PTPN12: variants seen among roughly 807,000 people sequenced by gnomAD.
PTPN12 encodes tyrosine-protein phosphatase non-receptor type 12.
Under a neutral mutation model 97.6 loss-of-function variants are expected in PTPN12, and 29 were observed. The observed-to-expected ratio is 0.30, with a 90% CI of 0.22 to 0.41. The LOEUF is 0.41. Ranked by LOEUF, PTPN12 falls within the 10% of genes least tolerant of loss-of-function variation. The pLI, the probability that PTPN12 is intolerant of heterozygous loss-of-function variation, is 1.00. For missense variants in PTPN12, 819 were observed against 926.0 expected, an observed-to-expected ratio of 0.88 and a Z score of 1.50; for synonymous variants, 327 against 300.4, an observed-to-expected ratio of 1.09 and a Z score of -0.91.
At chr7:77,634,729 C>A (rs892020494) in intron 14 of PTPN12, among the ~76,000 whole-genome samples, 11 of 152,002 alleles carry the variant, frequency 7.2e-5, no homozygotes, top group African/African-American at 2.7e-4. Context: ...GCATGAGCCA[C>A]CACGCCCGGC....
At chr7:77,539,597 T>G (rs560335262) in intron 1 of PTPN12, among the ~76,000 whole-genome samples, 5 of 152,190 alleles carry the variant, frequency 3.3e-5, no homozygotes, top group South Asian at 4.1e-4. Context: ...CTAGTTTTTT[T>G]GGGTTTTGTT....
At chr7:77,567,261 A>T (rs1331752260) in intron 1 of PTPN12, among the ~76,000 whole-genome samples, 1 of 151,844 alleles carries the variant, frequency 6.6e-6, no homozygotes, top group African/African-American at 2.4e-5. Context: ...TTGTACCCAC[A>T]GAGTTTATTG....
At chr7:77,557,314 C>T (rs1181427247) in intron 1 of PTPN12, among the ~76,000 whole-genome samples, 1 of 152,118 alleles carries the variant, frequency 6.6e-6, no homozygotes, top group Non-Finnish European at 1.5e-5. Flanking sequence ...GAGCCTCTAG[C>T]AGTTCATCAA....
At position 77,627,501 on chromosome 7, in the gene PTPN12, T is replaced by A. The variant is rs1345540460; in HGVS notation, c.1822T>A (p.Ser608Thr). 1.9e-6 allele frequency: 3 copies of A among 1,613,876 alleles called. No individual in the cohort carries two copies. Among genetic ancestry groups the A allele is most frequent in the Non-Finnish European group, 2.5e-6 (3 of 1,179,916 alleles). The change falls in exon 13 of 18, where the codon TCA (serine) becomes ACA (threonine). Residue 608 changes from serine (S) to threonine (T), a missense_variant. Coordinates refer to ENST00000248594, the MANE Select transcript of PTPN12 (RefSeq NM_002835.4). ...TCCACTTCACTCTGATGACTCAGACTCAGATGAAAGAAACTCTGATGGTGC... is the reference window on the plus strand; with the variant it reads ...TCCACTTCACTCTGATGACTCAGACACAGATGAAAGAAACTCTGATGGTGC... Reference protein sequence around the residue: ...TNPLHSDDSDSDERNSDGAVT... With the variant: ...TNPLHSDDSDTDERNSDGAVT...
At chr7:77,597,051 A>C (rs1239504432) in intron 6 of PTPN12, among the ~76,000 whole-genome samples, 1 of 151,700 alleles carries the variant, frequency 6.6e-6, no homozygotes, top group Non-Finnish European at 1.5e-5. Flanking sequence ...CCCCTTCCCA[A>C]CCCTAGGTAG....
chr7:77,547,561 G>C (rs1012329845), intron 1 of PTPN12, among the ~76,000 whole-genome samples: 2 of 152,058 alleles, frequency 1.3e-5, no homozygotes, highest in African/African-American at 2.4e-5. Flanking sequence ...AGAGAAGTTG[G>C]GGCTCTAATA....
intron 2 of PTPN12, among the ~76,000 whole-genome samples, chr7:77,580,056 G>T (rs1787464599): frequency 6.6e-6 from 1 of 152,162 alleles, no homozygotes; most frequent in African/African-American, 2.4e-5. Flanking sequence ...ATATACATTA[G>T]TGTTCATTGT....
intron 6 of PTPN12, 99 bp downstream of exon 6, chr7:77,592,355 G>A (rs1046832911): frequency 7.0e-6 from 7 of 1,002,238 alleles, no homozygotes; most frequent in Non-Finnish European, 8.7e-6. Context: ...GCTTATAGAC[G>A]CCAAGGACTC....
intron 11 of PTPN12, among the ~76,000 whole-genome samples, chr7:77,612,319 T>C (rs1405108509): frequency 1.3e-5 from 2 of 152,254 alleles, no homozygotes; most frequent in East Asian, 1.9e-4. Flanking sequence ...TTTATTAACA[T>C]AGGAATTATT....
At chr7:77,633,303 A>C (rs1382765633) in intron 14 of PTPN12, among the ~76,000 whole-genome samples, 1 of 151,974 alleles carries the variant, frequency 6.6e-6, no homozygotes, top group African/African-American at 2.4e-5. Context: ...TGTATTTGCA[A>C]TCTGGTGTAT....
intron 1 of PTPN12, among the ~76,000 whole-genome samples, chr7:77,552,590 G>T (rs534220618): frequency 6.6e-6 from 1 of 152,242 alleles, no homozygotes; most frequent in East Asian, 1.9e-4. Flanking sequence ...ATAAAAGAGG[G>T]AAAGGTAATC....
intron 11 of PTPN12, among the ~76,000 whole-genome samples, chr7:77,616,656 T>C (rs1035607844): frequency 4.6e-5 from 7 of 152,240 alleles, no homozygotes; most frequent in African/African-American, 1.7e-4. Flanking sequence ...GAGTTTCATA[T>C]GGTTTGCCTT....
At chr7:77,618,449 A>T in intron 11 of PTPN12, 31 bp from the exon 12 acceptor site, 2 of 1,387,006 alleles carry the variant, frequency 1.4e-6, no homozygotes, top group Non-Finnish European at 2.0e-6. Context: ...TTTTTCTCTT[A>T]ACCTTAGTGA....
Position 77,600,656 on chromosome 7 carries a change from T to C in PTPN12, c.553-8T>C, listed in dbSNP as rs1186921194. 1.3e-6 allele frequency: 2 copies of C among 1,577,510 alleles called. No individual in the cohort carries two copies. Among genetic ancestry groups the C allele is most frequent in the Non-Finnish European group, 1.7e-6 (2 of 1,165,922 alleles). On this transcript the variant is annotated splice_region_variant and splice_polypyrimidine_tract_variant and intron_variant, in intron 7 of 17. Coordinates refer to ENST00000248594, the MANE Select transcript of PTPN12 (RefSeq NM_002835.4). Reference sequence around the variant, plus strand: ...TTCATAATTGTTGACTTTCTGTTTTTCTTGAAGGAATCTCGTAGGCTGTAT... The same window carrying C: ...TTCATAATTGTTGACTTTCTGTTTTCCTTGAAGGAATCTCGTAGGCTGTAT...
At chr7:77,582,859 A>C (rs1018736564) in intron 3 of PTPN12, among the ~76,000 whole-genome samples, 2 of 152,192 alleles carry the variant, frequency 1.3e-5, no homozygotes, top group Non-Finnish European at 2.9e-5. Context: ...TTAAATAAAA[A>C]TTTCTTTTTT....
At chr7:77,566,754 A>C (rs1418308909) in intron 1 of PTPN12, among the ~76,000 whole-genome samples, 1 of 152,128 alleles carries the variant, frequency 6.6e-6, no homozygotes, top group African/African-American at 2.4e-5. Context: ...ACTTAATTGC[A>C]AATGCTTTCT....
chr7:77,575,137 A>C (rs953764732), intron 2 of PTPN12, among the ~76,000 whole-genome samples: 1 of 151,984 alleles, frequency 6.6e-6, no homozygotes, highest in East Asian at 1.9e-4. Context: ...CCTGGCCTGG[A>C]AATTTATATT....
intron 6 of PTPN12, among the ~76,000 whole-genome samples, chr7:77,595,141 A>AT (rs1346965674): frequency 5.9e-5 from 9 of 152,220 alleles, no homozygotes; most frequent in Non-Finnish European, 8.8e-5. Flanking sequence ...TTGATTAGTA[A>AT]CGACTTGGTT....
chr7:77,612,276 T>C (rs548614103), intron 11 of PTPN12, among the ~76,000 whole-genome samples: 2 of 152,294 alleles, frequency 1.3e-5, no homozygotes, highest in South Asian at 4.1e-4. Context: ...CAATTTCACG[T>C]TTTTAAGTTT....
Sources: allele counts gnomAD v4.1 joint callset (sites outside exome capture counted in the v4.1 genomes callset), GRCh38; gene constraint gnomAD v4.1.1; transcripts MANE v1.5; gene names NCBI Gene and HGNC (gene_info 2026-07-23, HGNC 2026-07-21).